The following GSK3B variants were observed in gnomAD, a reference collection of about 807,000 sequenced individuals.
GSK3B encodes the protein glycogen synthase kinase-3 beta.
A neutral mutation model predicts 56.4 loss-of-function variants in GSK3B; 15 were observed. That is an observed-to-expected ratio of 0.27 (90% CI 0.18 to 0.41). The LOEUF is 0.41. GSK3B is among the 10% of genes least tolerant of loss of function. The pLI is 1.00. For synonymous variants in GSK3B, 181 were observed against 188.9 expected, an observed-to-expected ratio of 0.96 and a Z score of 0.34; for missense variants, 300 against 513.4, an observed-to-expected ratio of 0.58 and a Z score of 4.02.
At chr3:119,853,574 G>GT (rs780034073) in intron 9 of GSK3B, among the ~76,000 whole-genome samples, 2 of 145,494 alleles carry the variant, frequency 1.4e-5, no homozygotes, top group Non-Finnish European at 2.9e-5. Context: ...TCTTTCATTT[G>GT]TTTGTGTCCT....
At chr3:119,905,449 A>T (rs1429386131) in intron 7 of GSK3B, among the ~76,000 whole-genome samples, 1 of 152,138 alleles carries the variant, frequency 6.6e-6, no homozygotes, top group Non-Finnish European at 1.5e-5. Context: ...TATTCAGCTT[A>T]CATACATTTT....
chr3:120,037,261 T>C (rs922292395), intron 1 of GSK3B, among the ~76,000 whole-genome samples: 2 of 152,244 alleles, frequency 1.3e-5, no homozygotes, highest in Non-Finnish European at 2.9e-5. Context: ...CGCTATTATA[T>C]TGTAAATGGT....
At chr3:120,053,488 A>G (rs1284688033) in intron 1 of GSK3B, among the ~76,000 whole-genome samples, 1 of 152,270 alleles carries the variant, frequency 6.6e-6, no homozygotes, top group East Asian at 1.9e-4. Context: ...ACAGTTACTT[A>G]GCACATTTGT....
chr3:119,891,759 A>C (rs1157278076), intron 7 of GSK3B, among the ~76,000 whole-genome samples: 3 of 152,130 alleles, frequency 2.0e-5, no homozygotes. Context: ...AGTGTATTTC[A>C]TACAAAAGAG....
At chr3:119,913,362 C>A (rs971393459) in intron 5 of GSK3B, among the ~76,000 whole-genome samples, 1 of 152,108 alleles carries the variant, frequency 6.6e-6, no homozygotes, top group African/African-American at 2.4e-5. Flanking sequence ...AAATTATAAA[C>A]AGGCCCTTCA....
At chr3:119,983,203 A>C (rs1208248296) in intron 2 of GSK3B, among the ~76,000 whole-genome samples, 1 of 152,192 alleles carries the variant, frequency 6.6e-6, no homozygotes, top group Non-Finnish European at 1.5e-5. Flanking sequence ...CTCCTGAAGG[A>C]GGAACTAAAC....
intron 2 of GSK3B, 82 bp from the exon 3 acceptor site, chr3:119,947,433 T>C (rs937440991): frequency 1.0e-5 from 9 of 884,894 alleles, no homozygotes; most frequent in Non-Finnish European, 1.7e-5. Context: ...TGAAATAACA[T>C]TAAGCACTAA....
At chr3:119,981,883 T>G (rs1212468772) in intron 2 of GSK3B, among the ~76,000 whole-genome samples, 3 of 152,244 alleles carry the variant, frequency 2.0e-5, no homozygotes, top group Non-Finnish European at 2.9e-5. Context: ...ACAGACAGAC[T>G]GCCTCCACAA....
intron 1 of GSK3B, among the ~76,000 whole-genome samples, chr3:120,028,530 C>T (rs1351466880): frequency 6.6e-6 from 1 of 152,178 alleles, no homozygotes; most frequent in East Asian, 1.9e-4. Context: ...CTCTCATGCC[C>T]CTACTACTCT....
chr3:119,979,488 C>T (rs1447566776), intron 2 of GSK3B, among the ~76,000 whole-genome samples: 2 of 152,096 alleles, frequency 1.3e-5, no homozygotes, highest in African/African-American at 4.8e-5. Context: ...TCCTCCTCCT[C>T]CACCTGTTAC....
rs1282974796 is a variant in GSK3B at position 119,949,348 on chromosome 3, A to G, written c.283-1997T>C. Among the ~76,000 whole-genome samples, 5 of 152,332 alleles carry G rather than the reference A, an allele frequency of 3.3e-5. No individual in the cohort carries two copies. The East Asian group carries it at 9.6e-4, about 29-fold the overall frequency. Reference sequence around the variant, plus strand: ...TAAGGAAGTTAGAGAAAATCTCATGAAACAGGTAAGATATGAACACAAGCC... The same window carrying G: ...TAAGGAAGTTAGAGAAAATCTCATGGAACAGGTAAGATATGAACACAAGCC... On this transcript the variant is annotated intron_variant, in intron 2 of 10. Coordinates refer to ENST00000264235, the MANE Select transcript of GSK3B (RefSeq NM_001146156.2).
chr3:119,861,834 A>C (rs1311032853), intron 9 of GSK3B, among the ~76,000 whole-genome samples: 2 of 152,178 alleles, frequency 1.3e-5, no homozygotes, highest in African/African-American at 4.8e-5. Flanking sequence ...TTGCCTAATA[A>C]TACATTTCTC....
At chr3:119,961,732 C>CT (rs1250422931) in intron 2 of GSK3B, among the ~76,000 whole-genome samples, 11 of 151,246 alleles carry the variant, frequency 7.3e-5, no homozygotes, top group Non-Finnish European at 1.2e-4. Context: ...CTTACCTCAA[C>CT]AAAATAAAAG....
chr3:120,026,554 A>ACACACACACACACACAAAC (rs1559881737), intron 1 of GSK3B, among the ~76,000 whole-genome samples: 2 of 64,390 alleles, frequency 3.1e-5, no homozygotes, highest in East Asian at 7.7e-4. Context: ...CACACACACA[A>ACACACACACACACACAAAC]ACACACACAC....
chr3:119,981,604 T>A (rs2057463366), intron 2 of GSK3B, among the ~76,000 whole-genome samples: 2 of 152,348 alleles, frequency 1.3e-5, no homozygotes, highest in Middle Eastern at 6.8e-3. Flanking sequence ...AGCGCAGTAG[T>A]CTGAGATCGA....
chr3:120,013,301 C>T (rs1166092785), intron 1 of GSK3B, among the ~76,000 whole-genome samples: 1 of 152,170 alleles, frequency 6.6e-6, no homozygotes, highest in Non-Finnish European at 1.5e-5. Flanking sequence ...CAAAGCTGAA[C>T]ATACTTTGTT....
chr3:119,950,405 G>C (rs2057146188), intron 2 of GSK3B, among the ~76,000 whole-genome samples: 1 of 152,056 alleles, frequency 6.6e-6, no homozygotes, highest in Admixed American at 6.5e-5. Context: ...GATGGTTACA[G>C]GGAACTGCAA....
intron 10 of GSK3B, among the ~76,000 whole-genome samples, chr3:119,840,134 G>A (rs907695100): frequency 6.6e-5 from 10 of 152,088 alleles, no homozygotes; most frequent in Middle Eastern, 6.8e-3. Flanking sequence ...ATCCAGGAAA[G>A]AAAAGTCATA....
At chr3:119,957,152 G>T (rs75591557) in intron 2 of GSK3B, among the ~76,000 whole-genome samples, 3,940 of 152,154 alleles carry the variant, frequency 0.026, 176 homozygotes, top group African/African-American at 0.089. Context: ...TTGATTTAGG[G>T]ACTAATGTTC....
Sources: gnomAD v4.1 joint callset for allele counts (sites outside exome capture counted in the v4.1 genomes callset) on GRCh38, gnomAD v4.1.1 for gene constraint, MANE v1.5 for transcripts, NCBI Gene and HGNC (gene_info 2026-07-23, HGNC 2026-07-21) for gene names.